The following ADCY2 variants were observed in gnomAD, a reference collection of about 807,000 sequenced individuals.
ADCY2 encodes the protein adenylate cyclase 2, also known as adenylate cyclase type 2.
ADCY2 carries 31 observed loss-of-function variants against 125.2 expected under a neutral mutation model. That is an observed-to-expected ratio of 0.25 (90% CI 0.19 to 0.33). The LOEUF is 0.33. Among genes scored for constraint, ADCY2 ranks in the 10% least tolerant of loss-of-function variants. The pLI is 1.00. For synonymous variants in ADCY2, 512 were observed against 548.4 expected, an observed-to-expected ratio of 0.93 and a Z score of 0.93; for missense variants, 904 against 1,418.2, an observed-to-expected ratio of 0.64 and a Z score of 5.82.
At chr5:7,430,625 G>T (rs1335620794) in intron 2 of ADCY2, among the ~76,000 whole-genome samples, 1 of 149,084 alleles carries the variant, frequency 6.7e-6, no homozygotes, top group Non-Finnish European at 1.5e-5. Flanking sequence ...CAAGAATGCA[G>T]AGTTGGTTTA....
chr5:7,484,650 A>G (rs1034638947), intron 2 of ADCY2, among the ~76,000 whole-genome samples: 2 of 151,980 alleles, frequency 1.3e-5, no homozygotes, highest in African/African-American at 4.8e-5. Flanking sequence ...AAATAACTAC[A>G]CTTCTATCCT....
intron 2 of ADCY2, among the ~76,000 whole-genome samples, chr5:7,476,399 C>A (rs1056131132): frequency 6.6e-6 from 1 of 152,094 alleles, no homozygotes; most frequent in Non-Finnish European, 1.5e-5. Context: ...AGGAAAACAG[C>A]GTCCTGTGAG....
At chr5:7,548,731 G>A (rs1490043971) in intron 3 of ADCY2, among the ~76,000 whole-genome samples, 1 of 152,146 alleles carries the variant, frequency 6.6e-6, no homozygotes, top group Non-Finnish European at 1.5e-5. Context: ...TGTTGAAAGT[G>A]GAGTCGAGTT....
intron 16 of ADCY2, among the ~76,000 whole-genome samples, chr5:7,760,159 G>A (rs942772137): frequency 2.0e-5 from 3 of 152,242 alleles, no homozygotes; most frequent in African/African-American, 7.2e-5. Flanking sequence ...GAGAGAGGCA[G>A]GCAAGGGGCA....
chr5:7,466,698 C>A (rs1742130878), intron 2 of ADCY2, among the ~76,000 whole-genome samples: 1 of 152,184 alleles, frequency 6.6e-6, no homozygotes, highest in Admixed American at 6.5e-5. Flanking sequence ...TTTCTCTTGA[C>A]TGTATTTTCA....
At chr5:7,718,263 C>G (rs917077699) in intron 12 of ADCY2, among the ~76,000 whole-genome samples, 5 of 150,922 alleles carry the variant, frequency 3.3e-5, no homozygotes, top group Non-Finnish European at 5.9e-5. Flanking sequence ...GTTCTCCTGC[C>G]TCAGCCTCCC....
At chr5:7,691,521 C>T (rs1459711374) in intron 5 of ADCY2, 1 of 151,690 alleles carries the variant, frequency 6.6e-6, no homozygotes, top group Non-Finnish European at 1.5e-5. Context: ...CTCCCATGAG[C>T]TCTAGAGAGA....
intron 2 of ADCY2, among the ~76,000 whole-genome samples, chr5:7,444,157 C>A (rs1424878635): frequency 2.7e-5 from 4 of 147,364 alleles, no homozygotes; most frequent in African/African-American, 7.5e-5. Context: ...TCTGTCTCCC[C>A]GGCTGGAGTG....
chr5:7,815,345 T>C (rs897813625), intron 22 of ADCY2, among the ~76,000 whole-genome samples: 1 of 152,136 alleles, frequency 6.6e-6, no homozygotes, highest in Non-Finnish European at 1.5e-5. Flanking sequence ...GCTTCCGTGC[T>C]AACACGGACA....
chr5:7,546,381 C>G (rs1406172789), intron 3 of ADCY2, among the ~76,000 whole-genome samples: 1 of 152,182 alleles, frequency 6.6e-6, no homozygotes, highest in Non-Finnish European at 1.5e-5. Context: ...GTGTTTGACA[C>G]GTTCTGTTCT....
chr5:7,595,254 G>A (rs572376772), intron 3 of ADCY2, among the ~76,000 whole-genome samples: 5 of 152,182 alleles, frequency 3.3e-5, no homozygotes, highest in East Asian at 3.9e-4. Context: ...TACTAGCTTC[G>A]CTTTTCTTAA....
At chr5:7,823,142 A>G (rs2126543281) in intron 24 of ADCY2, among the ~76,000 whole-genome samples, 1 of 152,308 alleles carries the variant, frequency 6.6e-6, no homozygotes, top group South Asian at 2.1e-4. Flanking sequence ...TATGGAATGG[A>G]GGAAACATTA....
chr5:7,623,065 T>C (rs111902091), intron 3 of ADCY2, among the ~76,000 whole-genome samples: 6 of 152,274 alleles, frequency 3.9e-5, no homozygotes, highest in African/African-American at 1.4e-4. Context: ...TTCCAGAGGA[T>C]AGAGACTCAT....
chr5:7,826,907 T>G lies in ADCY2; in HGVS notation c.*36T>G. 1 of 1,573,646 alleles carries G rather than the reference T, an allele frequency of 6.4e-7. No individual in the cohort carries two copies. Among genetic ancestry groups the G allele is most frequent in the Non-Finnish European group, 8.6e-7 (1 of 1,162,708 alleles). On this transcript the variant is annotated 3_prime_UTR_variant, in exon 25 of 25. Transcript: ENST00000338316. ...TCATTTTGGCAAGAAGACTGTATTTTCAGGAAGGTATCACACACTTTCTGA... is the reference window on the plus strand; with the variant it reads ...TCATTTTGGCAAGAAGACTGTATTTGCAGGAAGGTATCACACACTTTCTGA...
At chr5:7,735,777 TCTA>T (rs1211361071) in intron 14 of ADCY2, among the ~76,000 whole-genome samples, 3 of 152,246 alleles carry the variant, frequency 2.0e-5, no homozygotes, top group Non-Finnish European at 4.4e-5. Flanking sequence ...GATACTGATT[TCTA>T]CTTTTTTTTG....
intron 3 of ADCY2, among the ~76,000 whole-genome samples, chr5:7,531,625 C>T (rs968778270): frequency 1.3e-5 from 2 of 152,176 alleles, no homozygotes; most frequent in African/African-American, 2.4e-5. Flanking sequence ...CAGCAGTCCT[C>T]GGCATGCCTT....
At chr5:7,486,140 G>T (rs1002197975) in intron 2 of ADCY2, among the ~76,000 whole-genome samples, 14 of 152,168 alleles carry the variant, frequency 9.2e-5, no homozygotes, top group African/African-American at 3.4e-4. Context: ...CTAGGTGCAG[G>T]TGGGCATTCA....
At chr5:7,408,772 A>T (rs1554006147) in intron 1 of ADCY2, among the ~76,000 whole-genome samples, 1 of 151,986 alleles carries the variant, frequency 6.6e-6, no homozygotes, top group Non-Finnish European at 1.5e-5. Flanking sequence ...ACACTTTTAC[A>T]CTCTTGGTGG....
intron 4 of ADCY2, among the ~76,000 whole-genome samples, chr5:7,654,546 G>A (rs1739253694): frequency 6.6e-6 from 1 of 152,144 alleles, no homozygotes; most frequent in Admixed American, 6.5e-5. Context: ...CTTACAGGAG[G>A]GATGTAGTGA....
Sources: allele counts gnomAD v4.1 joint callset (sites outside exome capture counted in the v4.1 genomes callset), GRCh38; gene constraint gnomAD v4.1.1; transcripts MANE v1.5; gene names NCBI Gene and HGNC (gene_info 2026-07-23, HGNC 2026-07-21).